The following DOCK8 variants were observed in gnomAD, a reference collection of about 807,000 sequenced individuals.
DOCK8 encodes dedicator of cytokinesis 8.
Under a neutral mutation model 245.6 loss-of-function variants are expected in DOCK8, and 141 were observed. That is an observed-to-expected ratio of 0.57 (90% CI 0.50 to 0.66). The LOEUF (loss-of-function observed/expected upper bound fraction) is 0.66. DOCK8 is among the 30% of genes least tolerant of loss of function. The pLI is 0.00. For missense variants in DOCK8, 2,965 were observed against 2,603.4 expected, an observed-to-expected ratio of 1.14 and a Z score of -3.02; for synonymous variants, 1,168 against 970.2, an observed-to-expected ratio of 1.20 and a Z score of -3.79.
chr9:371,651 C>T (rs1469702400), intron 17 of DOCK8, 85 bp downstream of exon 17: 2 of 1,571,030 alleles, frequency 1.3e-6, no homozygotes, highest in Middle Eastern at 1.7e-4. Flanking sequence ...AAATTCTATT[C>T]ACTTGATTTT....
At position 410,380 on chromosome 9, in the gene DOCK8, A is replaced by G. The variant is rs532578209; in HGVS notation, c.3530+3311A>G. On this transcript the variant is annotated intron_variant, in intron 28 of 47. Transcript: ENST00000432829. ...CTGTGACATCCTTTAGTGTGGTCGC[A>G]TGTGTCAGTATTCATTTTTTTTCAA... 2.0e-5 allele frequency among the ~76,000 whole-genome samples: 3 copies of G among 152,178 alleles called. No homozygotes were observed. The East Asian group carries it at 5.8e-4, about 29-fold the overall frequency.
rs563334006 is a variant in DOCK8, at chr9:445,170, C to T, written c.5581-1200C>T. 2.6e-5 allele frequency among the ~76,000 whole-genome samples: 4 copies of T among 152,320 alleles called. No homozygotes were observed. In the South Asian group the frequency reaches 8.3e-4, roughly 32 times the overall value. ...CACATGTCTGGGAGATGGAGTTGGC[C>T]GTGTGCCCACAGTGATCTGTACATA... On this transcript the variant is annotated intron_variant, in intron 43 of 47. Transcript: ENST00000432829.
intron 21 of DOCK8, 49 bp downstream of exon 21, chr9:379,984 T>C (rs757863482): frequency 6.3e-7 from 1 of 1,585,116 alleles, no homozygotes; most frequent in East Asian, 2.3e-5. Flanking sequence ...CAACACCACC[T>C]CCACCCCACT....
At chr9:236,864 G>T (rs1196600119) in intron 1 of DOCK8, among the ~76,000 whole-genome samples, 1 of 152,224 alleles carries the variant, frequency 6.6e-6, no homozygotes, top group African/African-American at 2.4e-5. Flanking sequence ...TGACTAGGAA[G>T]AAGAGAGAAT....
At chr9:221,996 G>T (rs1219266239) in intron 1 of DOCK8, among the ~76,000 whole-genome samples, 1 of 152,056 alleles carries the variant, frequency 6.6e-6, no homozygotes, top group Non-Finnish European at 1.5e-5. Flanking sequence ...GCTCATGCCT[G>T]GAACCTGCCT....
chr9:379,886 G>A lies in DOCK8; in HGVS notation c.2556G>A (p.Val852=). The change falls in exon 21 of 48, where the codon GTG becomes GTA. Residue 852 remains valine (V), a synonymous_variant. Coordinates refer to ENST00000432829, the MANE Select transcript of DOCK8 (RefSeq NM_203447.4). The part of the protein sequence containing the change: ...HGRNCLLASY[V]HYVFRLPEVQ... Reference sequence around the variant, plus strand: ...GGAACTGCCTGCTGGCTTCCTACGTGCACTACGTCTTCCGCCTGCCAGAGG... The same window carrying A: ...GGAACTGCCTGCTGGCTTCCTACGTACACTACGTCTTCCGCCTGCCAGAGG... 6.2e-7 allele frequency: 1 copy of A among 1,614,226 alleles called. No individual in the cohort carries two copies. The highest frequency in any genetic ancestry group is 8.5e-7 in the Non-Finnish European group (1 of 1,180,040).
chr9:214,749 G>C (rs767509877), upstream of DOCK8: 1 of 1,524,198 alleles, frequency 6.6e-7, no homozygotes, highest in Non-Finnish European at 8.8e-7. Flanking sequence ...CTCGCCCGCC[G>C]CTGCCTGCGC....
intron 14 of DOCK8, among the ~76,000 whole-genome samples, chr9:344,791 T>C (rs1403475906): frequency 6.6e-6 from 1 of 152,218 alleles, no homozygotes; most frequent in African/African-American, 2.4e-5. Context: ...CTCACACCTA[T>C]AATCCTAGCG....
Position 429,684 on chromosome 9 carries a change from C to A in DOCK8, c.4474-18C>A. The A allele has an allele frequency of 6.2e-7, 1 of 1,614,064 alleles. No individual in the cohort carries two copies. Among genetic ancestry groups the A allele is most frequent in the South Asian group, 1.1e-5 (1 of 91,076 alleles). On this transcript the variant is annotated intron_variant, in intron 35 of 47. Coordinates refer to ENST00000432829, the MANE Select transcript of DOCK8 (RefSeq NM_203447.4). ...AAACTGCCAAGTGATGCCTAATGGCCCTTTATGTCTCTCCTAGTTTGGAGA... is the reference window on the plus strand; with the variant it reads ...AAACTGCCAAGTGATGCCTAATGGCACTTTATGTCTCTCCTAGTTTGGAGA...
chr9:359,690 A>G lies in DOCK8; in HGVS notation c.1680-8328A>G, dbSNP rs908612583. Among the ~76,000 whole-genome samples the G allele has an allele frequency of 4.6e-5, 7 of 152,084 alleles. No homozygotes were observed. In the South Asian group the frequency reaches 6.2e-4, roughly 14 times the overall value. On this transcript the variant is annotated intron_variant, in intron 14 of 47. Coordinates refer to ENST00000432829, the MANE Select transcript of DOCK8 (RefSeq NM_203447.4). ...ATCAGTCTATTTACAACAAATTGCTATAGAGAGTAAAAAGCGCCAACCTTT... is the reference window on the plus strand; with the variant it reads ...ATCAGTCTATTTACAACAAATTGCTGTAGAGAGTAAAAAGCGCCAACCTTT...
chr9:251,318 C>T (rs1352328063), intron 1 of DOCK8, among the ~76,000 whole-genome samples: 1 of 152,142 alleles, frequency 6.6e-6, no homozygotes, highest in Non-Finnish European at 1.5e-5. Flanking sequence ...AGAAGTTGCT[C>T]TTAAATCTTT....
intron 7 of DOCK8, among the ~76,000 whole-genome samples, chr9:318,323 C>T (rs893662742): frequency 1.3e-5 from 2 of 152,200 alleles, no homozygotes; most frequent in Non-Finnish European, 2.9e-5. Flanking sequence ...CTTCATAGGT[C>T]CCTTCAGCGG....
intron 1 of DOCK8, among the ~76,000 whole-genome samples, chr9:233,474 T>C (rs1165909303): frequency 6.6e-6 from 1 of 152,136 alleles, no homozygotes; most frequent in East Asian, 1.9e-4. Flanking sequence ...GTCTCACTGA[T>C]CTGTCTAATG....
At chr9:309,345 A>G (rs1257111628) in intron 5 of DOCK8, among the ~76,000 whole-genome samples, 1 of 152,182 alleles carries the variant, frequency 6.6e-6, no homozygotes, top group East Asian at 1.9e-4. Context: ...TTTATGATCT[A>G]GTAGAGTAGT....
chr9:416,744 A>G (rs2056033421), intron 29 of DOCK8, among the ~76,000 whole-genome samples: 1 of 152,210 alleles, frequency 6.6e-6, no homozygotes, highest in African/African-American at 2.4e-5. Context: ...GTAAACTATA[A>G]AAATGTGATA....
At chr9:404,012 A>ATT (rs1491548150) in intron 26 of DOCK8, among the ~76,000 whole-genome samples, 1 of 136,522 alleles carries the variant, frequency 7.3e-6, no homozygotes, top group African/African-American at 2.8e-5. Context: ...ATATATATAT[A>ATT]GTTTAAAAAA....
intron 14 of DOCK8, 136 bp downstream of exon 14, chr9:340,457 C>A: frequency 8.9e-7 from 1 of 1,118,972 alleles, no homozygotes; most frequent in East Asian, 2.7e-5. Context: ...CGTGTCTCTA[C>A]AACATATACA....
chr9:215,971 C>G (rs1265826817), intron 1 of DOCK8, among the ~76,000 whole-genome samples: 1 of 152,080 alleles, frequency 6.6e-6, no homozygotes. Context: ...CTTAGCTGAG[C>G]CTGTGAAAGG....
chr9:367,958 G>T, intron 14 of DOCK8, 60 bp from the exon 15 acceptor site: 1 of 1,398,704 alleles, frequency 7.1e-7, no homozygotes, highest in South Asian at 1.2e-5. Flanking sequence ...ATTTGCTGAA[G>T]AACTTAGTTA....
Sources: allele counts gnomAD v4.1 joint callset (sites outside exome capture counted in the v4.1 genomes callset), GRCh38; gene constraint gnomAD v4.1.1; transcripts MANE v1.5; gene names NCBI Gene and HGNC (gene_info 2026-07-23, HGNC 2026-07-21).